Variants in CPEB4 observed in about 807,000 individuals in gnomAD.
CPEB4 encodes cytoplasmic polyadenylation element binding protein 4.
In CPEB4, 12 loss-of-function variants were observed where a neutral mutation model predicts 72.5. The observed-to-expected ratio is 0.17, with a 90% confidence interval of 0.11 to 0.27. CPEB4 has a LOEUF of 0.27. Ranked by LOEUF, CPEB4 falls within the 10% of genes least tolerant of loss-of-function variation. CPEB4 has a pLI of 1.00. For missense variants in CPEB4, 614 were observed against 908.5 expected (o/e 0.68, Z 4.17); for synonymous variants, 302 against 326.3 (o/e 0.93, Z 0.80).
chr5:173,923,987 G>A (rs72812811), intron 2 of CPEB4, among the ~76,000 whole-genome samples: 33,717 of 151,906 alleles, frequency 0.22, 4,946 homozygotes, highest in Non-Finnish European at 0.31. Context: ...GTTTCTCTCT[G>A]GACATTCCCT....
intron 2 of CPEB4, among the ~76,000 whole-genome samples, chr5:173,915,864 C>T (rs1378932461): frequency 6.6e-6 from 1 of 152,098 alleles, no homozygotes; most frequent in Non-Finnish European, 1.5e-5. Context: ...AGGTTGGACA[C>T]AGTGAAATAA....
At position 173,945,158 on chromosome 5, in the gene CPEB4, T is replaced by G; in HGVS notation, c.1456+18T>G. 6.3e-7 allele frequency: 1 copy of G among 1,598,466 alleles called. No homozygotes were observed. The highest frequency in any genetic ancestry group is 8.6e-7 in the Non-Finnish European group (1 of 1,168,376). The stretch of plus-strand genomic sequence containing the variant: ...TGATGAAGGTATGTTTAGAACTGTT[T>G]ATAGCACGGTGCCCAGATGGTGGCA... On this transcript the variant is annotated intron_variant, in intron 5 of 9. Transcript: ENST00000265085.
At chr5:173,928,291 T>C (rs1258754991) in intron 2 of CPEB4, among the ~76,000 whole-genome samples, 1 of 152,192 alleles carries the variant, frequency 6.6e-6, no homozygotes, top group Non-Finnish European at 1.5e-5. Flanking sequence ...CTGTGAACTT[T>C]GGGTGTAACA....
chr5:173,936,523 A>G (rs896602952), intron 3 of CPEB4, among the ~76,000 whole-genome samples: 13 of 152,352 alleles, frequency 8.5e-5, no homozygotes, highest in African/African-American at 3.1e-4. Context: ...GGGGGTGGCC[A>G]CATAATTCAG....
chr5:173,942,942 A>T, intron 3 of CPEB4, 84 bp from the exon 4 acceptor site: 1 of 1,355,380 alleles, frequency 7.4e-7, no homozygotes, highest in Non-Finnish European at 1.0e-6. Context: ...AAGCTGGTAG[A>T]TGAAATCACA....
At chr5:173,926,599 ATGT>A (rs1195702863) in intron 2 of CPEB4, among the ~76,000 whole-genome samples, 1 of 152,184 alleles carries the variant, frequency 6.6e-6, no homozygotes, top group Non-Finnish European at 1.5e-5. Context: ...CTTCGGCATG[ATGT>A]ATGCCAGGCT....
chr5:173,907,325 AACTT>A (rs1056850061), intron 1 of CPEB4, among the ~76,000 whole-genome samples: 165 of 152,286 alleles, frequency 1.1e-3, no homozygotes, highest in African/African-American at 3.8e-3. Context: ...CAAAAACAAA[AACTT>A]ACAGGTAAAA....
intron 1 of CPEB4, among the ~76,000 whole-genome samples, chr5:173,903,494 G>A (rs1251269282): frequency 6.6e-6 from 1 of 152,196 alleles, no homozygotes; most frequent in Non-Finnish European, 1.5e-5. Flanking sequence ...TTGGAAACTT[G>A]TCAGAGATGG....
chr5:173,956,214 C>A lies in CPEB4; in HGVS notation c.*77C>A, dbSNP rs374791185. ...TTCATTCTGACCCCTTCCTCAACCTCTTCACGCTGGCATGTCCTTTTGTAG... is the reference window on the plus strand; with the variant it reads ...TTCATTCTGACCCCTTCCTCAACCTATTCACGCTGGCATGTCCTTTTGTAG... On this transcript the variant is annotated 3_prime_UTR_variant, in exon 10 of 10. Transcript: ENST00000265085. 3.4e-5 allele frequency: 38 copies of A among 1,116,428 alleles called. No individual in the cohort carries two copies. In the East Asian group the frequency reaches 5.5e-4, roughly 16 times the overall value. 69.2% of individuals were successfully genotyped at this position (1,116,428 alleles called of 1,614,324 possible).
chr5:173,897,619 AAT>A (rs1375791597), intron 1 of CPEB4, among the ~76,000 whole-genome samples: 1 of 152,142 alleles, frequency 6.6e-6, no homozygotes, highest in Admixed American at 6.5e-5. Flanking sequence ...CAACTAGCCC[AAT>A]AGTTTCATTT....
At chr5:173,924,096 T>A (rs1395765449) in intron 2 of CPEB4, among the ~76,000 whole-genome samples, 1 of 152,192 alleles carries the variant, frequency 6.6e-6, no homozygotes, top group Admixed American at 6.5e-5. Flanking sequence ...CCTTCCTCCA[T>A]CTGTAGAAAC....
At chr5:173,914,773 A>G (rs1756803942) in intron 2 of CPEB4, among the ~76,000 whole-genome samples, 1 of 152,204 alleles carries the variant, frequency 6.6e-6, no homozygotes. Context: ...AGGAAAGAGA[A>G]GAAAATTCGT....
At chr5:173,942,020 T>C (rs1757864414) in intron 3 of CPEB4, among the ~76,000 whole-genome samples, 1 of 152,210 alleles carries the variant, frequency 6.6e-6, no homozygotes, top group Non-Finnish European at 1.5e-5. Flanking sequence ...GGAATGCCCT[T>C]CCTCTGTTTT....
intron 3 of CPEB4, among the ~76,000 whole-genome samples, chr5:173,935,488 A>C (rs1358000633): frequency 6.6e-6 from 1 of 152,176 alleles, no homozygotes; most frequent in Non-Finnish European, 1.5e-5. Context: ...ACCTTTAATA[A>C]GGTGATTATA....
At position 173,958,335 on chromosome 5, in the gene CPEB4, G is replaced by A. The variant is rs1561636761; in HGVS notation, c.*2198G>A. ...ATTTTTAGGCACACTTTTCACTGAC[G>A]GGATATCTCTTTATGCAATACCTCA... On this transcript the variant is annotated 3_prime_UTR_variant, in exon 10 of 10. Transcript: ENST00000265085. 2 of 152,588 alleles carry A rather than the reference G, an allele frequency of 1.3e-5. No individual in the cohort carries two copies. Among genetic ancestry groups the A allele is most frequent in the African/African-American group, 2.4e-5 (1 of 41,392 alleles). 9.5% of individuals were successfully genotyped at this position (152,588 alleles called of 1,614,324 possible).
At chr5:173,899,755 A>C (rs1358611803) in intron 1 of CPEB4, among the ~76,000 whole-genome samples, 1 of 152,178 alleles carries the variant, frequency 6.6e-6, no homozygotes, top group East Asian at 1.9e-4. Context: ...AGAGGAATGT[A>C]GAGGTTTGGG....
intron 2 of CPEB4, among the ~76,000 whole-genome samples, chr5:173,931,977 GTTC>G (rs1276777612): frequency 1.3e-5 from 2 of 152,142 alleles, no homozygotes; most frequent in Admixed American, 6.5e-5. Flanking sequence ...TTAGTGAAAT[GTTC>G]TTCTTCCCTC....
chr5:173,905,357 A>G (rs930264642), intron 1 of CPEB4, among the ~76,000 whole-genome samples: 2 of 150,394 alleles, frequency 1.3e-5, no homozygotes, highest in Non-Finnish European at 3.0e-5. Context: ...TTTTTTTGAG[A>G]TGGAGTCTCG....
intron 2 of CPEB4, among the ~76,000 whole-genome samples, chr5:173,930,728 C>T (rs1234400558): frequency 2.0e-5 from 3 of 152,044 alleles, no homozygotes; most frequent in Non-Finnish European, 4.4e-5. Flanking sequence ...GTGGCTCACT[C>T]CTGTAATCCT....
Sources: gnomAD v4.1 joint callset for allele counts (sites outside exome capture counted in the v4.1 genomes callset) on GRCh38, gnomAD v4.1.1 for gene constraint, MANE v1.5 for transcripts, NCBI Gene and HGNC (gene_info 2026-07-23, HGNC 2026-07-21) for gene names.